The following HHAT variants were observed in gnomAD, a reference collection of about 807,000 sequenced individuals.
The protein encoded by HHAT is hedgehog acyltransferase.
In HHAT, 47 loss-of-function variants were observed where a neutral mutation model predicts 70.8. That is an observed-to-expected ratio of 0.66 (90% CI 0.53 to 0.85). The LOEUF is 0.85. Among genes scored for constraint, HHAT ranks in the 40% least tolerant of loss-of-function variants. The probability of loss-of-function intolerance (pLI) is 0.00; values close to 1 mark genes in which losing one functional copy is unlikely to be tolerated. For missense variants in HHAT, 609 were observed against 604.8 expected (o/e 1.01, Z -0.07); for synonymous variants, 228 against 247.6 (o/e 0.92, Z 0.74).
At chr1:210,601,467 G>A (rs772288849) in intron 10 of HHAT, among the ~76,000 whole-genome samples, 1 of 152,086 alleles carries the variant, frequency 6.6e-6, no homozygotes, top group Non-Finnish European at 1.5e-5. Flanking sequence ...TCAACAAATT[G>A]AAATCAAGCA....
chr1:210,575,419 TCCCACTGTGTCTCCTTTG>T (rs1360704963), intron 9 of HHAT, among the ~76,000 whole-genome samples: 1 of 150,716 alleles, frequency 6.6e-6, no homozygotes, highest in Non-Finnish European at 1.5e-5. Flanking sequence ...GAGTGTAAAT[TCCCACTGTGTCTCCTTTG>T]CCCAAACCTC....
At chr1:210,644,970 G>T (rs552355578) in intron 11 of HHAT, among the ~76,000 whole-genome samples, 1 of 152,258 alleles carries the variant, frequency 6.6e-6, no homozygotes, top group South Asian at 2.1e-4. Flanking sequence ...GTGGTCATTT[G>T]GAGGTAGGGT....
intron 1 of HHAT, among the ~76,000 whole-genome samples, chr1:210,330,962 C>T (rs747374087): frequency 5.3e-5 from 8 of 152,022 alleles, no homozygotes; most frequent in African/African-American, 1.2e-4. Flanking sequence ...TACAGGCATG[C>T]GACACCACAT....
intron 3 of HHAT, among the ~76,000 whole-genome samples, chr1:210,386,227 T>C (rs1287390610): frequency 6.2e-5 from 6 of 97,360 alleles, no homozygotes; most frequent in Admixed American, 2.6e-4. Context: ...CTTTTCTTTT[T>C]TTCTTTTTTT....
chr1:210,342,313 A>T (rs2086110182), intron 1 of HHAT, among the ~76,000 whole-genome samples: 1 of 152,202 alleles, frequency 6.6e-6, no homozygotes, highest in Non-Finnish European at 1.5e-5. Flanking sequence ...ATGAAATCGT[A>T]TGTTTTAAGA....
chr1:210,354,147 A>G (rs2087350704), intron 2 of HHAT, among the ~76,000 whole-genome samples: 1 of 148,890 alleles, frequency 6.7e-6, no homozygotes, highest in African/African-American at 2.5e-5. Flanking sequence ...AGTGTATTTT[A>G]GTATATGATG....
At chr1:210,454,836 C>A (rs2093829068) in intron 7 of HHAT, among the ~76,000 whole-genome samples, 1 of 152,164 alleles carries the variant, frequency 6.6e-6, no homozygotes, top group African/African-American at 2.4e-5. Context: ...CAAATTTTTC[C>A]ATGTCTAACA....
intron 2 of HHAT, among the ~76,000 whole-genome samples, chr1:210,349,337 G>A (rs1043292687): frequency 1.3e-5 from 2 of 152,130 alleles, no homozygotes; most frequent in Non-Finnish European, 2.9e-5. Context: ...GAGGGGATTT[G>A]CGTTCAGAAT....
rs867189742 is a variant in HHAT, at chr1:210,561,933, T to C, written c.1044-25965T>C. Reference sequence around the variant, plus strand: ...GTCCAGCACAGTGCCTGACACCTGATAGTCACTTACTAACTCCTTCCAGTG... The same window carrying C: ...GTCCAGCACAGTGCCTGACACCTGACAGTCACTTACTAACTCCTTCCAGTG... On this transcript the variant is annotated intron_variant, in intron 9 of 11. Transcript: ENST00000261458. 3.2e-4 allele frequency among the ~76,000 whole-genome samples: 49 copies of C among 152,324 alleles called. 1 individual carries two copies. The highest frequency in any genetic ancestry group is 1.0e-4 in the Non-Finnish European group (7 of 68,032).
chr1:210,333,751 G>A (rs767082048), intron 1 of HHAT, among the ~76,000 whole-genome samples: 2 of 151,738 alleles, frequency 1.3e-5, no homozygotes, highest in African/African-American at 4.8e-5. Flanking sequence ...TTCGCCTCCC[G>A]AGTTCAAGCA....
At chr1:210,555,964 T>C (rs879276232) in intron 9 of HHAT, among the ~76,000 whole-genome samples, 1 of 152,234 alleles carries the variant, frequency 6.6e-6, no homozygotes, top group Non-Finnish European at 1.5e-5. Flanking sequence ...AGGCCCTGTT[T>C]TTGAAAGCAT....
At chr1:210,461,823 A>G (rs946560330) in intron 7 of HHAT, among the ~76,000 whole-genome samples, 2 of 152,222 alleles carry the variant, frequency 1.3e-5, no homozygotes, top group African/African-American at 4.8e-5. Context: ...AGCCTTTCAT[A>G]TCTTAAGCCG....
intron 5 of HHAT, among the ~76,000 whole-genome samples, chr1:210,401,400 C>G (rs1251377864): frequency 1.3e-5 from 2 of 152,174 alleles, no homozygotes; most frequent in Non-Finnish European, 2.9e-5. Context: ...CAGGTATAAG[C>G]CATTGTGCCC....
intron 1 of HHAT, chr1:210,329,351 G>C (rs2084783787): frequency 2.5e-6 from 3 of 1,196,596 alleles, no homozygotes; most frequent in African/African-American, 1.6e-5. Flanking sequence ...GTCCGCGCAC[G>C]GCCCTGCCCA....
chr1:210,603,318 TG>T (rs940304046), intron 10 of HHAT, among the ~76,000 whole-genome samples: 1 of 149,146 alleles, frequency 6.7e-6, no homozygotes, highest in African/African-American at 2.5e-5. Context: ...CGGTGGTTTG[TG>T]GAGTTTGATT....
intron 9 of HHAT, among the ~76,000 whole-genome samples, chr1:210,543,136 A>G (rs1056865823): frequency 6.6e-6 from 1 of 152,204 alleles, no homozygotes; most frequent in Non-Finnish European, 1.5e-5. Flanking sequence ...TGAGTTTGTA[A>G]TCAGGAGCTG....
chr1:210,521,959 A>G (rs12760245), intron 9 of HHAT, among the ~76,000 whole-genome samples: 1 of 152,228 alleles, frequency 6.6e-6, no homozygotes, highest in Non-Finnish European at 1.5e-5. Flanking sequence ...TTCTCTGTCC[A>G]CCAGGAAAGA....
At chr1:210,531,011 G>A (rs1414667295) in intron 9 of HHAT, among the ~76,000 whole-genome samples, 1 of 152,166 alleles carries the variant, frequency 6.6e-6, no homozygotes, top group Non-Finnish European at 1.5e-5. Context: ...TCATCATTGT[G>A]CAACATCGTA....
intron 9 of HHAT, among the ~76,000 whole-genome samples, chr1:210,566,817 G>T (rs1326963746): frequency 1.3e-5 from 2 of 152,190 alleles, no homozygotes; most frequent in Non-Finnish European, 2.9e-5. Flanking sequence ...GTTCTTCAGG[G>T]ATGCTGGACA....
Sources: allele counts gnomAD v4.1 joint callset (sites outside exome capture counted in the v4.1 genomes callset), GRCh38; gene constraint gnomAD v4.1.1; transcripts MANE v1.5; gene names NCBI Gene and HGNC (gene_info 2026-07-23, HGNC 2026-07-21).